The following FBXW2 variants were observed in gnomAD, a reference collection of about 807,000 sequenced individuals.
FBXW2 encodes the protein F-box/WD repeat-containing protein 2.
FBXW2 carries 12 observed loss-of-function variants against 46.0 expected under a neutral mutation model. The observed-to-expected ratio is 0.26, with a 90% CI of 0.17 to 0.42. The LOEUF (loss-of-function observed/expected upper bound fraction) is 0.42. Ranked by LOEUF, FBXW2 falls within the 10% of genes least tolerant of loss-of-function variation. The pLI is 1.00. For missense variants in FBXW2, 360 were observed against 537.0 expected (o/e 0.67, Z 3.26); for synonymous variants, 203 against 209.6 (o/e 0.97, Z 0.27).
At chr9:120,779,867 T>A (rs1044900581) in intron 3 of FBXW2, among the ~76,000 whole-genome samples, 1 of 152,100 alleles carries the variant, frequency 6.6e-6, no homozygotes, top group Non-Finnish European at 1.5e-5. Context: ...AAAAGAAATG[T>A]TGGGCCGGGC....
intron 5 of FBXW2, among the ~76,000 whole-genome samples, chr9:120,773,919 A>G (rs1366649292): frequency 1.3e-5 from 2 of 152,226 alleles, no homozygotes; most frequent in Non-Finnish European, 2.9e-5. Context: ...GGCTAGGCAC[A>G]GTGGCTCATG....
At chr9:120,785,197 T>C (rs2044695816) in intron 3 of FBXW2, among the ~76,000 whole-genome samples, 1 of 151,704 alleles carries the variant, frequency 6.6e-6, no homozygotes, top group Non-Finnish European at 1.5e-5. Flanking sequence ...TTTGTAGAGA[T>C]GGGATTTTGC....
intron 6 of FBXW2, 88 bp from the exon 7 acceptor site, chr9:120,771,605 G>C (rs770222357): frequency 1.4e-4 from 169 of 1,192,154 alleles, no homozygotes; most frequent in Non-Finnish European, 1.9e-4. Context: ...TGTGAAGTCA[G>C]ATAGAAAGTG....
At chr9:120,788,970 T>G (rs2044778113) in intron 2 of FBXW2, among the ~76,000 whole-genome samples, 1 of 152,214 alleles carries the variant, frequency 6.6e-6, no homozygotes, top group African/African-American at 2.4e-5. Flanking sequence ...GTGGCTTTAG[T>G]CTGTTTTTCT....
intron 3 of FBXW2, among the ~76,000 whole-genome samples, chr9:120,779,825 T>C (rs1249771531): frequency 6.6e-6 from 1 of 152,154 alleles, no homozygotes; most frequent in African/African-American, 2.4e-5. Flanking sequence ...AAACTGCAGA[T>C]ATAATTTAAA....
chr9:120,777,858 C>T (rs938710419), intron 4 of FBXW2, among the ~76,000 whole-genome samples: 1 of 152,044 alleles, frequency 6.6e-6, no homozygotes, highest in Non-Finnish European at 1.5e-5. Flanking sequence ...TAGGTGGTAG[C>T]TTGTTTTAAT....
At chr9:120,779,568 C>T (rs767785549) in intron 3 of FBXW2, among the ~76,000 whole-genome samples, 24 of 152,300 alleles carry the variant, frequency 1.6e-4, no homozygotes, top group Non-Finnish European at 3.1e-4. Flanking sequence ...TATTTATTGT[C>T]ACTTTGCTAT....
rs552740443 is a variant in FBXW2 at position 120,761,594 on chromosome 9, G to A, written c.*2965C>T. Reference sequence around the variant, plus strand: ...CCCACTTTGCTTTCTTTTGCAAAAAGGATGAGCTAGTTTTCCATTTTTATA... The same window carrying A: ...CCCACTTTGCTTTCTTTTGCAAAAAAGATGAGCTAGTTTTCCATTTTTATA... On this transcript the variant is annotated 3_prime_UTR_variant, in exon 8 of 8. Coordinates refer to ENST00000608872, the MANE Select transcript of FBXW2 (RefSeq NM_012164.4). The A allele has an allele frequency of 6.6e-6, 1 of 152,268 alleles. No individual in the cohort carries two copies. The highest frequency in any genetic ancestry group is 1.5e-5 in the Non-Finnish European group (1 of 68,000). 9.4% of individuals were successfully genotyped at this position (152,268 alleles called of 1,614,324 possible). A position where few individuals can be genotyped will look rare whatever the true frequency, so the allele number is the denominator to read the frequency against.
intron 3 of FBXW2, 101 bp downstream of exon 3, chr9:120,787,668 A>G: frequency 7.7e-7 from 1 of 1,303,518 alleles, no homozygotes; most frequent in African/African-American, 1.5e-5. Flanking sequence ...TACATATCTC[A>G]TATAATCAAC....
intron 4 of FBXW2, among the ~76,000 whole-genome samples, chr9:120,777,719 C>T (rs2044527395): frequency 6.7e-6 from 1 of 149,268 alleles, no homozygotes; most frequent in Admixed American, 6.7e-5. Context: ...CCCCCGCCCC[C>T]GCCAAAAAAA....
At chr9:120,765,408 T>C (rs1353188197) in intron 7 of FBXW2, among the ~76,000 whole-genome samples, 3 of 152,176 alleles carry the variant, frequency 2.0e-5, no homozygotes, top group Non-Finnish European at 2.9e-5. Context: ...TGAAAGTTTA[T>C]AAAAGTACAA....
intron 7 of FBXW2, among the ~76,000 whole-genome samples, chr9:120,770,171 T>C (rs1279804583): frequency 6.6e-6 from 1 of 152,104 alleles, no homozygotes; most frequent in African/African-American, 2.4e-5. Flanking sequence ...GGTCAGGAGA[T>C]TGAGTCCATC....
chr9:120,777,852 T>A (rs1482833037), intron 4 of FBXW2, among the ~76,000 whole-genome samples: 1 of 152,118 alleles, frequency 6.6e-6, no homozygotes, highest in Non-Finnish European at 1.5e-5. Context: ...TATCTCTAGG[T>A]GGTAGCTTGT....
In FBXW2 at chr9:120,786,893, G is replaced by A. The variant is rs2044734436; in HGVS notation, c.490+876C>T. Among the ~76,000 whole-genome samples the A allele has an allele frequency of 3.3e-5, 5 of 152,088 alleles. No individual in the cohort carries two copies. In the South Asian group the frequency reaches 8.3e-4, roughly 25 times the overall value. On this transcript the variant is annotated intron_variant, in intron 3 of 7. Transcript: ENST00000608872. ...ATTTTAAATTTTTAATAATTATATT[G>A]TTTCATAAAATTACTTAATTGCCTA...
At chr9:120,779,345 C>T (rs758934877) in intron 3 of FBXW2, among the ~76,000 whole-genome samples, 1 of 152,192 alleles carries the variant, frequency 6.6e-6, no homozygotes, top group South Asian at 2.1e-4. Context: ...TGAGAATCCA[C>T]TAAATACAGT....
rs1456403730 is a variant in FBXW2 at position 120,787,833 on chromosome 9, C to T, written c.426G>A (p.Ser142=). 5 of 1,614,160 alleles carry T rather than the reference C, an allele frequency of 3.1e-6. No individual in the cohort carries two copies. Among genetic ancestry groups the T allele is most frequent in the African/African-American group, 2.7e-5 (2 of 75,028 alleles). Residue 142 remains serine, a synonymous_variant, in exon 3 of 8, where the codon TCG becomes TCA. Coordinates refer to ENST00000608872, the MANE Select transcript of FBXW2 (RefSeq NM_012164.4). ...CTCTGGCACTGTGTCCAATTAATGACGAGGTTTCAAAGGCTTCATGGTCCT... is the reference window on the plus strand; with the variant it reads ...CTCTGGCACTGTGTCCAATTAATGATGAGGTTTCAAAGGCTTCATGGTCCT... ...QLEDHEAFET[S]SLIGHSARVY...
intron 4 of FBXW2, among the ~76,000 whole-genome samples, chr9:120,777,395 A>G (rs1449573851): frequency 6.6e-6 from 1 of 152,258 alleles, no homozygotes; most frequent in Non-Finnish European, 1.5e-5. Flanking sequence ...ATCACTAAGC[A>G]CCAGGTACAG....
intron 3 of FBXW2, among the ~76,000 whole-genome samples, chr9:120,779,260 A>C (rs1588039944): frequency 6.6e-6 from 1 of 152,232 alleles, no homozygotes; most frequent in East Asian, 1.9e-4. Context: ...ACTTTGCTTT[A>C]AGTTTAAAAT....
chr9:120,779,681 CAG>C (rs2044569659), intron 3 of FBXW2, among the ~76,000 whole-genome samples: 1 of 152,154 alleles, frequency 6.6e-6, no homozygotes, highest in Non-Finnish European at 1.5e-5. Context: ...TCCCTATTTT[CAG>C]AGAGTTTAAC....
Sources: gnomAD v4.1 joint callset for allele counts (sites outside exome capture counted in the v4.1 genomes callset) on GRCh38, gnomAD v4.1.1 for gene constraint, MANE v1.5 for transcripts, NCBI Gene and HGNC (gene_info 2026-07-23, HGNC 2026-07-21) for gene names.